Variants in TEKT3 observed in about 807,000 individuals in gnomAD.
The protein encoded by TEKT3 is tektin 3.
Under a neutral mutation model 49.8 loss-of-function variants are expected in TEKT3, and 49 were observed. The ratio of observed to expected loss-of-function variants is 0.98; its 90% CI spans 0.78 to 1.25. The LOEUF (loss-of-function observed/expected upper bound fraction) is 1.25. Among genes scored for constraint, TEKT3 ranks in the 50% most tolerant of loss-of-function variants. The pLI is 0.00. For missense variants in TEKT3, 595 were observed against 629.5 expected (o/e 0.95, Z 0.59); for synonymous variants, 225 against 237.2 (o/e 0.95, Z 0.47).
chr17:15,328,421 G>A (rs1228816031), intron 3 of TEKT3, among the ~76,000 whole-genome samples: 19 of 152,150 alleles, frequency 1.2e-4, no homozygotes, highest in African/African-American at 4.3e-4. Context: ...TGAGACACAA[G>A]TCTTCAAGAT....
At chr17:15,337,626 G>A (rs948653584) in intron 2 of TEKT3, among the ~76,000 whole-genome samples, 1 of 152,088 alleles carries the variant, frequency 6.6e-6, no homozygotes, top group Non-Finnish European at 1.5e-5. Flanking sequence ...GGTGGATCAC[G>A]AGGTCAGAAG....
Position 15,331,256 on chromosome 17 carries a change from G to C in TEKT3, c.330C>G (p.Ser110=), listed in dbSNP as rs767256722. 4 of 1,614,016 alleles carry C rather than the reference G, an allele frequency of 2.5e-6. No individual in the cohort carries two copies. The highest frequency in any genetic ancestry group is 3.3e-5 in the Admixed American group (2 of 60,000). The change falls in exon 3 of 9, where the codon TCC becomes TCG. Residue 110 remains serine, a synonymous_variant. Transcript: ENST00000395930. ...YRSNLTNYQE[S]NTSRHNSEKL... is the part of the protein sequence containing the mutation. The stretch of plus-strand genomic sequence containing the variant: ...TCTCCGAATTATGTCGGGAAGTGTT[G>C]GACTCTTGATAGTTGGTTAAATTGG...
At chr17:15,332,145 A>G (rs569522185) in intron 2 of TEKT3, among the ~76,000 whole-genome samples, 50 of 152,148 alleles carry the variant, frequency 3.3e-4, no homozygotes, top group Non-Finnish European at 5.9e-4. Flanking sequence ...ATGAGCTGAG[A>G]TCGCACCACT....
chr17:15,330,486 T>C (rs377458203), intron 3 of TEKT3, among the ~76,000 whole-genome samples: 1 of 152,098 alleles, frequency 6.6e-6, no homozygotes, highest in African/African-American at 2.4e-5. Flanking sequence ...TGTTTAAAAG[T>C]GTGTGGCACC....
At chr17:15,333,978 T>A (rs1911887009) in intron 2 of TEKT3, among the ~76,000 whole-genome samples, 1 of 152,040 alleles carries the variant, frequency 6.6e-6, no homozygotes, top group Admixed American at 6.5e-5. Flanking sequence ...CTAGCCAGGA[T>A]GGTCTGGATC....
chr17:15,325,311 T>G (rs73982106), intron 4 of TEKT3, among the ~76,000 whole-genome samples: 10,237 of 152,200 alleles, frequency 0.067, 778 homozygotes, highest in African/African-American at 0.19. Flanking sequence ...ATAGGAATTG[T>G]GTTGAGTCTA....
chr17:15,305,302 G>A (rs189753421), intron 8 of TEKT3, among the ~76,000 whole-genome samples: 2 of 152,160 alleles, frequency 1.3e-5, no homozygotes, highest in African/African-American at 4.8e-5. Flanking sequence ...CAGGCCATGG[G>A]AACATATCCA....
chr17:15,310,212 C>A (rs537801178), intron 7 of TEKT3, among the ~76,000 whole-genome samples: 1 of 152,222 alleles, frequency 6.6e-6, no homozygotes, highest in African/African-American at 2.4e-5. Context: ...TCTTTCTGCA[C>A]CTTTCTGATG....
At chr17:15,333,722 G>GTTTATTTTAT (rs58481435) in intron 2 of TEKT3, among the ~76,000 whole-genome samples, 1,521 of 144,320 alleles carry the variant, frequency 0.011, 12 homozygotes, top group Middle Eastern at 0.05. Context: ...CTTGGCTTTG[G>GTTTATTTTAT]TTTATTTTAT....
rs117158527 is a variant in TEKT3 at position 15,330,833 on chromosome 17, T to A, written c.579+174A>T. On this transcript the variant is annotated intron_variant, in intron 3 of 8. Coordinates refer to ENST00000395930, the MANE Select transcript of TEKT3 (RefSeq NM_031898.3). The stretch of plus-strand genomic sequence containing the variant: ...TTGTTCTTAAAGTATATAATGCATT[T>A]AAAAAAAAAATAGGCAGTGGTTTTG... 7.9e-4 allele frequency among the ~76,000 whole-genome samples: 118 copies of A among 149,632 alleles called. 3 individuals are homozygous for A. The East Asian group carries it at 0.022, about 28-fold the overall frequency.
chr17:15,322,965 G>C (rs2150744197), intron 4 of TEKT3, among the ~76,000 whole-genome samples: 1 of 152,288 alleles, frequency 6.6e-6, no homozygotes. Context: ...GTTCAGCCAA[G>C]ATGACCCATC....
At position 15,312,214 on chromosome 17, in the gene TEKT3, G is replaced by A. The variant is rs200189861; in HGVS notation, c.1101+45C>T. 6.0e-4 allele frequency: 954 copies of A among 1,578,940 alleles called. 5 individuals are homozygous for A. In the African/African-American group the frequency reaches 0.01, roughly 17 times the overall value. On this transcript the variant is annotated intron_variant, in intron 7 of 8. Coordinates refer to ENST00000395930, the MANE Select transcript of TEKT3 (RefSeq NM_031898.3). ...GAGATTTGTAGTCCCAGAGCACACC[G>A]CTCTGTCCAGGTCAGCTAAGGGGTA...
intron 8 of TEKT3, among the ~76,000 whole-genome samples, chr17:15,305,895 G>A (rs769865731): frequency 3.3e-5 from 5 of 151,792 alleles, no homozygotes; most frequent in Admixed American, 2.6e-4. Context: ...TTCTCTCATC[G>A]TTAATTAGAA....
intron 7 of TEKT3, among the ~76,000 whole-genome samples, chr17:15,312,022 C>A (rs1293286592): frequency 1.3e-5 from 2 of 152,184 alleles, no homozygotes; most frequent in East Asian, 3.8e-4. Flanking sequence ...AAGAACTTTT[C>A]ATTACATAGT....
At chr17:15,319,014 G>A (rs987604211) in intron 5 of TEKT3, 63 bp downstream of exon 5, 9 of 1,319,720 alleles carry the variant, frequency 6.8e-6, no homozygotes, top group Non-Finnish European at 9.5e-6. Flanking sequence ...AAATTTCAAT[G>A]AGGAGCATGA....
chr17:15,318,240 C>CG (rs994597074), intron 5 of TEKT3, among the ~76,000 whole-genome samples: 1 of 152,068 alleles, frequency 6.6e-6, no homozygotes, highest in African/African-American at 2.4e-5. Context: ...CTGCCCGCCC[C>CG]GGCCTCCCAA....
At chr17:15,307,676 A>G (rs992534263) in intron 8 of TEKT3, among the ~76,000 whole-genome samples, 2 of 152,144 alleles carry the variant, frequency 1.3e-5, no homozygotes, top group Admixed American at 1.3e-4. Flanking sequence ...ATCCTTCAAG[A>G]TAAGAGAATT....
At position 15,304,281 on chromosome 17, in the gene TEKT3, G is replaced by A; in HGVS notation, c.1257-129C>T. 1 of 825,730 alleles carries A rather than the reference G, an allele frequency of 1.2e-6. No individual in the cohort carries two copies. The highest frequency in any genetic ancestry group is 1.8e-5 in the South Asian group (1 of 55,462). 51.2% of individuals were successfully genotyped at this position (825,730 alleles called of 1,614,324 possible). A position where few individuals can be genotyped will look rare whatever the true frequency, so the allele number is the denominator to read the frequency against. ...TTAGGATATATTTATCAGCAAATGAGAGGTGCATGAAATTAATAAAATATA... is the reference window on the plus strand; with the variant it reads ...TTAGGATATATTTATCAGCAAATGAAAGGTGCATGAAATTAATAAAATATA... On this transcript the variant is annotated intron_variant, in intron 8 of 8. Transcript: ENST00000395930. The surrounding 1 kb of genome is among the most constrained non-coding windows in gnomAD (Gnocchi z 4.7).
intron 5 of TEKT3, among the ~76,000 whole-genome samples, chr17:15,314,752 G>A (rs1421212327): frequency 6.6e-6 from 1 of 152,148 alleles, no homozygotes; most frequent in East Asian, 1.9e-4. Flanking sequence ...TCATGCTGTG[G>A]CTAAGAAGTT....
Sources: gnomAD v4.1 joint callset for allele counts (sites outside exome capture counted in the v4.1 genomes callset) on GRCh38, gnomAD v4.1.1 for gene constraint, Gnocchi (gnomAD v3.1) non-coding constraint, MANE v1.5 for transcripts, NCBI Gene and HGNC (gene_info 2026-07-23, HGNC 2026-07-21) for gene names.